Variants in SLC1A1 observed in about 807,000 individuals in gnomAD.
SLC1A1 encodes excitatory amino acid transporter 3.
In SLC1A1, 43 loss-of-function variants were observed where a neutral mutation model predicts 53.3. That is an observed-to-expected ratio of 0.81 (90% CI 0.63 to 1.04). The LOEUF (loss-of-function observed/expected upper bound fraction) is 1.04. SLC1A1 is among the 50% of genes least tolerant of loss of function. SLC1A1 has a pLI of 0.00. For synonymous variants in SLC1A1, 307 were observed against 243.2 expected, an observed-to-expected ratio of 1.26 and a Z score of -2.44; for missense variants, 748 against 664.9, an observed-to-expected ratio of 1.12 and a Z score of -1.37.
At chr9:4,582,316 C>A (rs1322045354) in intron 10 of SLC1A1, among the ~76,000 whole-genome samples, 1 of 152,208 alleles carries the variant, frequency 6.6e-6, no homozygotes, top group Non-Finnish European at 1.5e-5. Flanking sequence ...ATCTTTCTTT[C>A]CCACAAAGTG....
At chr9:4,541,983 A>G (rs1184641101) in intron 1 of SLC1A1, among the ~76,000 whole-genome samples, 1 of 152,150 alleles carries the variant, frequency 6.6e-6, no homozygotes, top group African/African-American at 2.4e-5. Flanking sequence ...CTCATCCCGA[A>G]TCTGCTGTTT....
At chr9:4,557,449 C>A (rs1586783742) in intron 2 of SLC1A1, among the ~76,000 whole-genome samples, 1 of 152,050 alleles carries the variant, frequency 6.6e-6, no homozygotes, top group African/African-American at 2.4e-5. Flanking sequence ...TTGGGCTGTC[C>A]AATATGATAG....
chr9:4,500,577 C>G (rs1403031354), intron 1 of SLC1A1, among the ~76,000 whole-genome samples: 2 of 152,160 alleles, frequency 1.3e-5, no homozygotes, highest in Non-Finnish European at 2.9e-5. Flanking sequence ...TCCCAAAGTG[C>G]TGGGATTACA....
intron 6 of SLC1A1, among the ~76,000 whole-genome samples, chr9:4,571,658 C>G (rs956330496): frequency 1.3e-5 from 2 of 150,618 alleles, no homozygotes; most frequent in Admixed American, 6.7e-5. Flanking sequence ...GCCTGGGTAA[C>G]AGAGCGAGAC....
rs779024943 is a variant in SLC1A1, at chr9:4,585,592, G to C, written c.*34G>C. On this transcript the variant is annotated 3_prime_UTR_variant, in exon 12 of 12. Coordinates refer to ENST00000262352, the MANE Select transcript of SLC1A1 (RefSeq NM_004170.6). ...GCTGCAGATGACTGGAAACAAGGAAGGACATTTCCGTGAGAGTCATCTCAA... is the reference window on the plus strand; with the variant it reads ...GCTGCAGATGACTGGAAACAAGGAACGACATTTCCGTGAGAGTCATCTCAA... 1.2e-6 allele frequency: 2 copies of C among 1,613,724 alleles called. No individual in the cohort carries two copies. Among genetic ancestry groups the C allele is most frequent in the Middle Eastern group, 1.6e-4 (1 of 6,062 alleles).
intron 9 of SLC1A1, 29 bp downstream of exon 9, chr9:4,576,152 G>C (rs372924997): frequency 1.2e-6 from 2 of 1,609,164 alleles, no homozygotes; most frequent in Non-Finnish European, 1.7e-6. Flanking sequence ...TCTGGAAGAA[G>C]CCTCCAGGCT....
intron 1 of SLC1A1, among the ~76,000 whole-genome samples, chr9:4,505,710 G>A (rs1401674495): frequency 6.6e-6 from 1 of 152,106 alleles, no homozygotes; most frequent in Non-Finnish European, 1.5e-5. Context: ...AGGCTGGAGG[G>A]CAGTGGCATG....
chr9:4,561,269 C>G (rs1269117241), intron 2 of SLC1A1, among the ~76,000 whole-genome samples, 180 bp from the exon 3 acceptor site: 1 of 152,156 alleles, frequency 6.6e-6, no homozygotes, highest in African/African-American at 2.4e-5. Context: ...GACTGGGCTT[C>G]CCTCTCTTAA....
intron 6 of SLC1A1, among the ~76,000 whole-genome samples, chr9:4,569,158 T>A (rs1819787944): frequency 6.6e-6 from 1 of 152,120 alleles, no homozygotes; most frequent in African/African-American, 2.4e-5. Flanking sequence ...TGCTATAGAT[T>A]TGTCAGGTAC....
rs886063967 is a variant in SLC1A1, at chr9:4,585,719, G to A, written c.*161G>A. The A allele has an allele frequency of 2.1e-5, 19 of 917,530 alleles. No homozygotes were observed. Among genetic ancestry groups the A allele is most frequent in the East Asian group, 1.1e-4 (4 of 38,022 alleles). 56.8% of individuals were successfully genotyped at this position (917,530 alleles called of 1,614,324 possible). The stretch of plus-strand genomic sequence containing the variant: ...CTATATTTGGATTCACAGCCTTTGC[G>A]CTCTGGGTTTTGGGATTTGGGTGTG... On this transcript the variant is annotated 3_prime_UTR_variant, in exon 12 of 12. Coordinates refer to ENST00000262352, the MANE Select transcript of SLC1A1 (RefSeq NM_004170.6).
intron 1 of SLC1A1, among the ~76,000 whole-genome samples, chr9:4,535,043 T>G (rs937027648): frequency 1.3e-5 from 2 of 152,178 alleles, no homozygotes; most frequent in African/African-American, 4.8e-5. Context: ...AATTAGGTAT[T>G]GATGGGACGT....
intron 4 of SLC1A1, among the ~76,000 whole-genome samples, chr9:4,564,734 G>T (rs1234933467): frequency 2.0e-5 from 3 of 152,132 alleles, no homozygotes; most frequent in Non-Finnish European, 4.4e-5. Context: ...GGGATGGATT[G>T]GTAGTCAGTT....
At chr9:4,552,100 C>T (rs1817976592) in intron 2 of SLC1A1, among the ~76,000 whole-genome samples, 1 of 152,198 alleles carries the variant, frequency 6.6e-6, no homozygotes, top group Admixed American at 6.5e-5. Flanking sequence ...CTCTGTTCAG[C>T]TGTAAGATAA....
intron 2 of SLC1A1, 49 bp downstream of exon 2, chr9:4,544,756 C>G: frequency 6.9e-7 from 1 of 1,439,632 alleles, no homozygotes; most frequent in Non-Finnish European, 9.8e-7. Context: ...TTTCATACTG[C>G]TGTAAAGAAC....
At chr9:4,511,277 G>A (rs774358355) in intron 1 of SLC1A1, among the ~76,000 whole-genome samples, 19 of 152,116 alleles carry the variant, frequency 1.2e-4, no homozygotes, top group Non-Finnish European at 1.8e-4. Context: ...ATTAGATTCC[G>A]TGTCTGCTGA....
At chr9:4,507,024 A>ATAAC (rs1419249955) in intron 1 of SLC1A1, among the ~76,000 whole-genome samples, 6 of 152,126 alleles carry the variant, frequency 3.9e-5, no homozygotes, top group Non-Finnish European at 8.8e-5. Context: ...TAGGTCAGGA[A>ATAAC]ATGGAGACCA....
At chr9:4,502,912 A>C (rs994583573) in intron 1 of SLC1A1, among the ~76,000 whole-genome samples, 7 of 151,232 alleles carry the variant, frequency 4.6e-5, no homozygotes, top group African/African-American at 1.7e-4. Flanking sequence ...CTCCTACATA[A>C]ACCTTCTGTT....
intron 2 of SLC1A1, chr9:4,560,212 A>C (rs73641474): frequency 6.6e-6 from 1 of 152,380 alleles, no homozygotes; most frequent in African/African-American, 2.4e-5. Flanking sequence ...GCAATTTGAA[A>C]ATCATGAAAA....
chr9:4,563,219 C>T lies in SLC1A1; in HGVS notation c.326-1125C>T, dbSNP rs116703415. 6.1e-3 allele frequency among the ~76,000 whole-genome samples: 924 copies of T among 151,314 alleles called. 14 individuals carry two copies. The highest frequency in any genetic ancestry group is 0.021 in the African/African-American group (867 of 41,222). On this transcript the variant is annotated intron_variant, in intron 3 of 11. Transcript: ENST00000262352. ...ATACTCAGATGTGGCAGCAGCTCGG[C>T]CCTTGTAGCCCTGCTTCAATGAGCT...
Sources: gnomAD v4.1 joint callset for allele counts (sites outside exome capture counted in the v4.1 genomes callset) on GRCh38, gnomAD v4.1.1 for gene constraint, MANE v1.5 for transcripts, NCBI Gene and HGNC (gene_info 2026-07-23, HGNC 2026-07-21) for gene names.